Variants in SEMA5A observed in about 807,000 individuals in gnomAD.
SEMA5A encodes semaphorin-5A.
A neutral mutation model predicts 135.5 loss-of-function variants in SEMA5A; 55 were observed. That is an observed-to-expected ratio of 0.41 (90% CI 0.33 to 0.51). The LOEUF (loss-of-function observed/expected upper bound fraction) is 0.51, where lower values mean the gene tolerates loss of function less well. Ranked by LOEUF, SEMA5A falls within the 20% of genes least tolerant of loss-of-function variation. SEMA5A has a pLI of 0.37. For synonymous variants in SEMA5A, 580 were observed against 546.5 expected (o/e 1.06, Z -0.85); for missense variants, 1,290 against 1,419.9 (o/e 0.91, Z 1.47).
chr5:9,197,569 G>A (rs1285006655), intron 9 of SEMA5A, among the ~76,000 whole-genome samples: 1 of 152,060 alleles, frequency 6.6e-6, no homozygotes, highest in African/African-American at 2.4e-5. Flanking sequence ...TTGCAACAGG[G>A]GCAAGAGGGA....
Position 9,271,034 on chromosome 5 carries a change from C to T in SEMA5A, c.271-33144G>A, listed in dbSNP as rs985977415. 3.9e-5 allele frequency among the ~76,000 whole-genome samples: 6 copies of T among 152,216 alleles called. 1 individual carries two copies. The highest frequency in any genetic ancestry group is 3.9e-4 in the East Asian group (2 of 5,180). ...GTTCTCTGTCCCCACCCAAATCTCA[C>T]GTTAAATTGTAACCTCCACATATCG... On this transcript the variant is annotated intron_variant, in intron 5 of 22. Transcript: ENST00000382496.
At chr5:9,100,126 G>A (rs1217571502) in intron 16 of SEMA5A, among the ~76,000 whole-genome samples, 1 of 152,214 alleles carries the variant, frequency 6.6e-6, no homozygotes, top group Non-Finnish European at 1.5e-5. Context: ...CGATGACTGG[G>A]AAGTTCTCAC....
intron 5 of SEMA5A, among the ~76,000 whole-genome samples, chr5:9,248,162 A>C (rs1172199404): frequency 6.6e-6 from 1 of 152,142 alleles, no homozygotes; most frequent in African/African-American, 2.4e-5. Flanking sequence ...TCTAAGAAAA[A>C]AGTCCAAAAG....
chr5:9,468,598 C>CTACCTGTAAATTTTATGCATCTAAA (rs71287841), intron 1 of SEMA5A, among the ~76,000 whole-genome samples: 1 of 151,756 alleles, frequency 6.6e-6, no homozygotes, highest in Non-Finnish European at 1.5e-5. Context: ...GGGGTGTGTC[C>CTACCTGTAAATTTTATGCATCTAAA]TACATTTAAA....
Position 9,414,454 on chromosome 5 carries a change from C to T in SEMA5A, c.-78+23302G>A, listed in dbSNP as rs192403977. On this transcript the variant is annotated intron_variant, in intron 2 of 22. Transcript: ENST00000382496. ...AAAGATCAGATTTGATGACACAGAT[C>T]TACATCCAGTGGTCTGATTATGGAT... 2.6e-3 allele frequency among the ~76,000 whole-genome samples: 390 copies of T among 152,340 alleles called. 3 individuals are homozygous for T. The highest frequency in any genetic ancestry group is 9.0e-3 in the African/African-American group (374 of 41,586).
intron 5 of SEMA5A, among the ~76,000 whole-genome samples, chr5:9,295,241 T>G (rs1159112408): frequency 1.3e-5 from 2 of 152,120 alleles, no homozygotes; most frequent in African/African-American, 4.8e-5. Flanking sequence ...AAAAGTCCAT[T>G]TGGGTGAATC....
intron 8 of SEMA5A, among the ~76,000 whole-genome samples, chr5:9,219,089 T>C (rs141491674): frequency 4.3e-4 from 65 of 152,340 alleles, no homozygotes; most frequent in African/African-American, 1.4e-3. Flanking sequence ...GTAAGACAAA[T>C]TTATGCCCCA....
chr5:9,054,346 T>G (rs1736771326), intron 18 of SEMA5A, 89 bp from the exon 19 acceptor site: 2 of 1,485,134 alleles, frequency 1.3e-6, no homozygotes, highest in Middle Eastern at 1.8e-4. Context: ...GTGGATTCTG[T>G]TTAGTAAGGG....
chr5:9,348,380 T>C (rs1217668216), intron 3 of SEMA5A, among the ~76,000 whole-genome samples: 1 of 152,056 alleles, frequency 6.6e-6, no homozygotes, highest in African/African-American at 2.4e-5. Flanking sequence ...ATTATGCAAA[T>C]TCATATATTA....
intron 5 of SEMA5A, among the ~76,000 whole-genome samples, chr5:9,276,506 A>G (rs1750269545): frequency 6.6e-6 from 1 of 152,232 alleles, no homozygotes; most frequent in African/African-American, 2.4e-5. Context: ...AACCAAGACA[A>G]TCCTAAGCAA....
chr5:9,502,817 T>A (rs568357544), intron 1 of SEMA5A, among the ~76,000 whole-genome samples: 3 of 151,790 alleles, frequency 2.0e-5, no homozygotes, highest in African/African-American at 7.3e-5. Flanking sequence ...AGGGTTCTAA[T>A]TGGGGGAAGG....
chr5:9,106,621 C>G (rs1739930522), intron 16 of SEMA5A, among the ~76,000 whole-genome samples: 1 of 152,162 alleles, frequency 6.6e-6, no homozygotes. Context: ...TCAGGGGGCA[C>G]ACATCATGCC....
chr5:9,268,330 A>G (rs1344651349), intron 5 of SEMA5A, among the ~76,000 whole-genome samples: 1 of 152,032 alleles, frequency 6.6e-6, no homozygotes, highest in African/African-American at 2.4e-5. Flanking sequence ...CTTCCAAGAC[A>G]TTTTCTGTGT....
chr5:9,230,158 C>CTTTTTTTTTTTTTTT (rs5865817), intron 6 of SEMA5A, among the ~76,000 whole-genome samples: 1 of 98,286 alleles, frequency 1.0e-5, no homozygotes, highest in Non-Finnish European at 2.0e-5. Flanking sequence ...CTATTTTTTT[C>CTTTTTTTTTTTTTTT]TTTTTTTTTT....
chr5:9,065,638 T>A (rs13176310), intron 17 of SEMA5A, among the ~76,000 whole-genome samples: 3,818 of 152,336 alleles, frequency 0.025, 71 homozygotes, highest in Non-Finnish European at 0.036. Context: ...TCTATGAGTA[T>A]CTATTTCCTT....
intron 8 of SEMA5A, among the ~76,000 whole-genome samples, chr5:9,207,340 C>A (rs1260000730): frequency 1.3e-5 from 2 of 151,690 alleles, no homozygotes; most frequent in Non-Finnish European, 2.9e-5. Context: ...TGTGCACCAC[C>A]ACACCCGGCT....
In SEMA5A at chr5:9,054,190, A is replaced by G. The variant is rs571622345; in HGVS notation, c.2586T>C (p.Tyr862=). ...GATTGGAGCAAGAGCGGGTCCTCAT[A>G]TAGTGTCCACCGCCGCATGTTGCTG... The part of the protein sequence containing the change: ...KCSATCGGGH[Y]MRTRSCSNPA... The change falls in exon 19 of 23, where the codon TAT becomes TAC. Residue 862 remains tyrosine, a synonymous_variant. Coordinates refer to ENST00000382496, the MANE Select transcript of SEMA5A (RefSeq NM_003966.3). 23 of 1,613,968 alleles carry G rather than the reference A, an allele frequency of 1.4e-5. No individual in the cohort carries two copies. Among genetic ancestry groups the G allele is most frequent in the Non-Finnish European group, 1.9e-5 (23 of 1,180,026 alleles).
intron 2 of SEMA5A, among the ~76,000 whole-genome samples, chr5:9,394,176 A>T (rs1756287981): frequency 6.6e-6 from 1 of 152,120 alleles, no homozygotes; most frequent in Non-Finnish European, 1.5e-5. Context: ...TCAAGCCCCC[A>T]GTGGAATGAG....
At chr5:9,508,569 T>G (rs941426592) in intron 1 of SEMA5A, among the ~76,000 whole-genome samples, 3 of 152,128 alleles carry the variant, frequency 2.0e-5, no homozygotes, top group African/African-American at 7.2e-5. Context: ...TAAATCACAC[T>G]CCTTTCAACA....
Sources: allele counts gnomAD v4.1 joint callset (sites outside exome capture counted in the v4.1 genomes callset), GRCh38; gene constraint gnomAD v4.1.1; transcripts MANE v1.5; gene names NCBI Gene and HGNC (gene_info 2026-07-23, HGNC 2026-07-21).